Variants in ANXA8 observed in about 807,000 individuals in gnomAD.
ANXA8 encodes the protein VAC-beta.
ANXA8 carries 9 observed loss-of-function variants against 26.8 expected under a neutral mutation model. The ratio of observed to expected loss-of-function variants is 0.34; its 90% CI spans 0.20 to 0.59. The LOEUF is 0.59. Ranked by LOEUF, ANXA8 falls within the 20% of genes least tolerant of loss-of-function variation. The pLI is 0.84. For missense variants in ANXA8, 83 were observed against 238.5 expected (o/e 0.35, Z 4.29); for synonymous variants, 39 against 94.8 (o/e 0.41, Z 3.42).
At chr10:47,957,047 A>C in the ANXA8 span, among the ~76,000 whole-genome samples, 5 of 150,444 alleles carry the variant, frequency 3.3e-5, no homozygotes, top group Non-Finnish European at 5.9e-5. Context: ...CTGTGGATGT[A>C]GTACCCAGTA....
the ANXA8 span, among the ~76,000 whole-genome samples, chr10:47,686,393 A>G: frequency 1.3e-5 from 2 of 151,212 alleles, no homozygotes; most frequent in Admixed American, 6.6e-5. Flanking sequence ...TAATTTTCGT[A>G]TTTTTATGGG....
chr10:47,694,261 A>AT, the ANXA8 span, among the ~76,000 whole-genome samples: 40 of 150,018 alleles, frequency 2.7e-4, no homozygotes, highest in African/African-American at 9.4e-4. Context: ...AGTTCACCGA[A>AT]TTCTGAATAA....
At chr10:47,693,648 C>T in the ANXA8 span, among the ~76,000 whole-genome samples, 2 of 151,750 alleles carry the variant, frequency 1.3e-5, no homozygotes, top group African/African-American at 4.8e-5. Flanking sequence ...CTTAGCATAG[C>T]CACATCCCAC....
chr10:47,652,942 A>G, the ANXA8 span, among the ~76,000 whole-genome samples: 1 of 151,320 alleles, frequency 6.6e-6, no homozygotes, highest in South Asian at 2.1e-4. Context: ...TTTATATTAT[A>G]TTTATAAAGA....
At chr10:47,977,444 A>G in the ANXA8 span, among the ~76,000 whole-genome samples, 23 of 151,242 alleles carry the variant, frequency 1.5e-4, 1 homozygote, top group Admixed American at 6.6e-4. Flanking sequence ...ATTCACAGGG[A>G]AAAAGCTGCC....
the ANXA8 span, among the ~76,000 whole-genome samples, chr10:47,519,241 G>A: frequency 7.7e-6 from 1 of 129,742 alleles, no homozygotes; most frequent in Admixed American, 7.9e-5. Flanking sequence ...GCTGAAGCGG[G>A]TAGATCACTT....
At chr10:47,613,229 A>G in the ANXA8 span, among the ~76,000 whole-genome samples, 2 of 149,878 alleles carry the variant, frequency 1.3e-5, no homozygotes, top group Non-Finnish European at 3.0e-5. Context: ...AAGGAGAAGC[A>G]TATAATACAT....
the ANXA8 span, among the ~76,000 whole-genome samples, chr10:47,925,813 T>G: frequency 6.8e-6 from 1 of 146,790 alleles, no homozygotes; most frequent in African/African-American, 2.5e-5. Flanking sequence ...GTCTCTAAAA[T>G]TGTTATTGCT....
chr10:47,561,373 TG>T, the ANXA8 span, among the ~76,000 whole-genome samples: 1 of 151,628 alleles, frequency 6.6e-6, no homozygotes, highest in Non-Finnish European at 1.5e-5. Flanking sequence ...CTTCCAGTGT[TG>T]GGATTACAAG....
the ANXA8 span, among the ~76,000 whole-genome samples, chr10:47,742,706 GTCTGGGGAAAAATT>G: frequency 1.5e-5 from 2 of 130,814 alleles, no homozygotes; most frequent in South Asian, 5.2e-4. Flanking sequence ...AAATTCAAAT[GTCTGGGGAAAAATT>G]TAATGAAAGA....
chr10:47,974,860 T>A, the ANXA8 span, among the ~76,000 whole-genome samples: 1 of 149,740 alleles, frequency 6.7e-6, no homozygotes, highest in African/African-American at 2.4e-5. Flanking sequence ...ATAGGAAGAA[T>A]GTATATTCTG....
the ANXA8 span, among the ~76,000 whole-genome samples, chr10:47,674,385 G>A: frequency 6.6e-6 from 1 of 151,062 alleles, no homozygotes; most frequent in Non-Finnish European, 1.5e-5. Context: ...TCCCACTTCA[G>A]CCTCCCAAGT....
the ANXA8 span, among the ~76,000 whole-genome samples, chr10:47,597,729 T>C: frequency 8.8e-6 from 1 of 113,376 alleles, no homozygotes; most frequent in Non-Finnish European, 1.7e-5. Flanking sequence ...TCTCTTTAAG[T>C]AGAACTACAA....
chr10:47,522,157 G>A, the ANXA8 span, among the ~76,000 whole-genome samples: 849 of 139,114 alleles, frequency 6.1e-3, 1 homozygote, highest in African/African-American at 0.023. Context: ...GGGGAGCCAC[G>A]GCAACAAACA....
the ANXA8 span, among the ~76,000 whole-genome samples, chr10:47,628,123 C>T: frequency 7.4e-5 from 11 of 149,280 alleles, no homozygotes; most frequent in South Asian, 2.3e-3. Context: ...ATAGGCATCC[C>T]TTTCGACAAA....
At chr10:47,586,992 G>A in the ANXA8 span, among the ~76,000 whole-genome samples, 1 of 146,158 alleles carries the variant, frequency 6.8e-6, no homozygotes, top group Admixed American at 6.6e-5. Flanking sequence ...AGAACATGAG[G>A]TCAAGAGATC....
At chr10:47,552,167 T>C in the ANXA8 span, among the ~76,000 whole-genome samples, 1 of 151,976 alleles carries the variant, frequency 6.6e-6, no homozygotes, top group Non-Finnish European at 1.5e-5. Context: ...TTACATTCTA[T>C]GGTTAAGTTA....
At chr10:47,756,735 G>A in the ANXA8 span, among the ~76,000 whole-genome samples, 9 of 152,378 alleles carry the variant, frequency 5.9e-5, no homozygotes, top group South Asian at 1.7e-3. Flanking sequence ...AATGGGGTGG[G>A]ACATGTGGGG....
At chr10:47,898,811 ATTTTTTT>A in the ANXA8 span, among the ~76,000 whole-genome samples, 1,181 of 56,156 alleles carry the variant, frequency 0.021, 12 homozygotes, top group African/African-American at 0.068. Flanking sequence ...AAGAGAATGG[ATTTTTTT>A]TTTTTTTTTT....
Sources: gnomAD v4.1 joint callset for allele counts (sites outside exome capture counted in the v4.1 genomes callset) on GRCh38, gnomAD v4.1.1 for gene constraint, MANE v1.5 for transcripts, NCBI Gene and HGNC (gene_info 2026-07-23, HGNC 2026-07-21) for gene names.